The following ANK3 variants were observed in gnomAD, a reference collection of about 807,000 sequenced individuals.
The protein encoded by ANK3 is ankyrin 3.
ANK3 carries 57 observed loss-of-function variants against 370.9 expected under a neutral mutation model. The observed-to-expected ratio is 0.15, with a 90% CI of 0.12 to 0.19. The LOEUF is 0.19. Among genes scored for constraint, ANK3 ranks in the 10% least tolerant of loss-of-function variants. The pLI is 1.00. For synonymous variants in ANK3, 1,929 were observed against 1,946.3 expected (o/e 0.99, Z 0.23); for missense variants, 4,439 against 5,302.1 (o/e 0.84, Z 5.06).
chr10:60,036,822 G>A (rs1231060297), intron 43 of ANK3, among the ~76,000 whole-genome samples: 1 of 151,996 alleles, frequency 6.6e-6, no homozygotes, highest in African/African-American at 2.4e-5. Flanking sequence ...TTCTCCCTAG[G>A]TAATCACATC....
intron 2 of ANK3, among the ~76,000 whole-genome samples, chr10:60,539,884 C>A (rs1256556884): frequency 6.6e-6 from 1 of 151,794 alleles, no homozygotes; most frequent in Non-Finnish European, 1.5e-5. Context: ...TTTTCTTATA[C>A]CACGAAGCTA....
At chr10:60,080,757 TG>T in intron 35 of ANK3, 139 bp from the exon 36 acceptor site, 1 of 780,262 alleles carries the variant, frequency 1.3e-6, no homozygotes, top group Non-Finnish European at 2.0e-6. Context: ...ACTGGGATTT[TG>T]TAACCCCACC....
chr10:60,110,430 T>A (rs2132101126), intron 26 of ANK3, among the ~76,000 whole-genome samples: 1 of 152,296 alleles, frequency 6.6e-6, no homozygotes, highest in East Asian at 1.9e-4. Context: ...CTGAATGAAT[T>A]TATGTCTCTT....
At chr10:60,214,281 G>T (rs895372391) in intron 8 of ANK3, among the ~76,000 whole-genome samples, 1 of 152,130 alleles carries the variant, frequency 6.6e-6, no homozygotes, top group Admixed American at 6.6e-5. Flanking sequence ...ACATATTAGT[G>T]CTGAGAAACC....
At chr10:60,331,968 T>G (rs560403341) in intron 1 of ANK3, among the ~76,000 whole-genome samples, 1 of 152,246 alleles carries the variant, frequency 6.6e-6, no homozygotes, top group Admixed American at 6.5e-5. Context: ...TTTTTTCTTT[T>G]TTTTTTAAAC....
intron 2 of ANK3, among the ~76,000 whole-genome samples, chr10:60,561,084 G>C (rs1157842649): frequency 6.6e-6 from 1 of 152,014 alleles, no homozygotes; most frequent in African/African-American, 2.4e-5. Context: ...AATAACAATG[G>C]GAAATTGCAC....
chr10:60,119,886 C>G (rs1326436797), intron 25 of ANK3, among the ~76,000 whole-genome samples: 1 of 152,092 alleles, frequency 6.6e-6, no homozygotes, highest in African/African-American at 2.4e-5. Flanking sequence ...TATGTCCATA[C>G]TGCCCAAAGT....
At chr10:60,442,518 T>A (rs528754164) in intron 2 of ANK3, among the ~76,000 whole-genome samples, 1 of 152,320 alleles carries the variant, frequency 6.6e-6, no homozygotes, top group Non-Finnish European at 1.5e-5. Context: ...GCACTGTTAT[T>A]TTTCACTGTG....
At chr10:60,339,032 G>A (rs2053667036) in intron 1 of ANK3, among the ~76,000 whole-genome samples, 1 of 152,074 alleles carries the variant, frequency 6.6e-6, no homozygotes, top group Non-Finnish European at 1.5e-5. Flanking sequence ...CTCCAAGAGT[G>A]GAGTGAAATA....
intron 1 of ANK3, among the ~76,000 whole-genome samples, chr10:60,335,494 C>G (rs2052606003): frequency 6.6e-6 from 1 of 152,110 alleles, no homozygotes. Context: ...TGCTGTTTGG[C>G]AGGGTGAATG....
Position 60,071,674 on chromosome 10 carries a change from A to G in ANK3, c.9207T>C (p.Ser3069=). 1 of 1,605,030 alleles carries G rather than the reference A, an allele frequency of 6.2e-7. No homozygotes were observed. The highest frequency in any genetic ancestry group is 8.5e-7 in the Non-Finnish European group (1 of 1,176,742). ...CGAGTTTTTCCAATCCATCAATGGG[A>G]CTGTGGTCGAATACATCACTAGAGG... ...ESPSSDVFDH[S]PIDGLEKLAP... The change falls in exon 37 of 44, where the codon AGT becomes AGC. Residue 3069 remains serine, a synonymous_variant. Transcript: ENST00000280772.
intron 2 of ANK3, among the ~76,000 whole-genome samples, chr10:60,489,267 T>C (rs952388437): frequency 1.8e-4 from 28 of 152,134 alleles, no homozygotes; most frequent in African/African-American, 6.5e-4. Flanking sequence ...ACCCTGAAAG[T>C]AGAGGGACAT....
chr10:60,595,743 A>G (rs1595334517), intron 2 of ANK3, among the ~76,000 whole-genome samples: 1 of 152,320 alleles, frequency 6.6e-6, no homozygotes, highest in East Asian at 1.9e-4. Flanking sequence ...ACTATGAACT[A>G]AATTCTTCCC....
At chr10:60,659,994 AGATT>A (rs1226933378) in intron 1 of ANK3, among the ~76,000 whole-genome samples, 1 of 152,100 alleles carries the variant, frequency 6.6e-6, no homozygotes, top group African/African-American at 2.4e-5. Context: ...GTAATATTAG[AGATT>A]GATTTTCCTA....
At chr10:60,546,316 G>A (rs1045077293) in intron 2 of ANK3, among the ~76,000 whole-genome samples, 19 of 152,286 alleles carry the variant, frequency 1.2e-4, no homozygotes, top group Admixed American at 9.8e-4. Flanking sequence ...AATTATAGGC[G>A]TGAGCCATGG....
intron 42 of ANK3, among the ~76,000 whole-genome samples, chr10:60,046,415 G>T (rs1239324710): frequency 6.6e-6 from 1 of 152,114 alleles, no homozygotes; most frequent in Non-Finnish European, 1.5e-5. Flanking sequence ...TCCCTAAAAT[G>T]GTATCCTATT....
At position 60,063,238 on chromosome 10, in the gene ANK3, C is replaced by G. The variant is rs755073354; in HGVS notation, c.12468G>C (p.Ser4156=). The G allele has an allele frequency of 1.0e-5, 16 of 1,605,006 alleles. No homozygotes were observed. The East Asian group carries it at 3.6e-4, about 36-fold the overall frequency. Residue 4156 remains serine, a synonymous_variant, in exon 40 of 44, where the codon TCG becomes TCC. Coordinates refer to ENST00000280772, the MANE Select transcript of ANK3 (RefSeq NM_020987.5). ...CTATTCGATTAATTTTTGTCAAGACCGAAGTTAAGGCATCAGCTGAAAAGG... is the reference window on the plus strand; with the variant it reads ...CTATTCGATTAATTTTTGTCAAGACGGAAGTTAAGGCATCAGCTGAAAAGG... ...GKNATTDALT[S]VLTKINRIDI...
chr10:60,060,207 A>G (rs1285567217), intron 40 of ANK3: 6 of 408,350 alleles, frequency 1.5e-5, no homozygotes, highest in Non-Finnish European at 2.6e-5. Context: ...AAAATAGAAT[A>G]CTAATTAAGA....
chr10:60,444,213 T>C (rs2064376246), intron 2 of ANK3, among the ~76,000 whole-genome samples: 1 of 152,006 alleles, frequency 6.6e-6, no homozygotes, highest in African/African-American at 2.4e-5. Flanking sequence ...TGGCAACTGA[T>C]TATGGTATCA....
Sources: gnomAD v4.1 joint callset for allele counts (sites outside exome capture counted in the v4.1 genomes callset) on GRCh38, gnomAD v4.1.1 for gene constraint, MANE v1.5 for transcripts, NCBI Gene and HGNC (gene_info 2026-07-23, HGNC 2026-07-21) for gene names.